Variants in SHROOM2 observed in about 807,000 individuals in gnomAD.
The protein encoded by SHROOM2 is protein Shroom2.
In SHROOM2, 33 loss-of-function variants were observed where a neutral mutation model predicts 75.9. The observed-to-expected ratio is 0.43, with a 90% CI of 0.33 to 0.58. The LOEUF is 0.58. Ranked by LOEUF, SHROOM2 falls within the 20% of genes least tolerant of loss-of-function variation. The probability of loss-of-function intolerance (pLI) is 0.04; values close to 1 mark genes in which losing one functional copy is unlikely to be tolerated. For missense variants in SHROOM2, 1,434 were observed against 1,461.2 expected (o/e 0.98, Z 0.30); for synonymous variants, 655 against 663.6 (o/e 0.99, Z 0.20).
At chrX:9,832,488 G>A (rs1028296528) in intron 1 of SHROOM2, among the ~76,000 whole-genome samples, 6 of 111,868 alleles carry the variant, frequency 5.4e-5, no homozygotes, top group African/African-American at 2.0e-4. Context: ...TTGTGTGCTG[G>A]CTCCCTCGAA....
chrX:9,832,688 A>G (rs2083922829), intron 1 of SHROOM2, among the ~76,000 whole-genome samples: 1 of 101,721 alleles, frequency 9.8e-6, no homozygotes, highest in South Asian at 5.1e-4. Flanking sequence ...CTTGCAGGTC[A>G]ATGTGTCCTG....
intron 8 of SHROOM2, among the ~76,000 whole-genome samples, chrX:9,939,679 C>T (rs1484371801): frequency 3.6e-5 from 4 of 112,487 alleles, no homozygotes; most frequent in East Asian, 2.8e-4. Context: ...CTTGCTCTGT[C>T]GTGCAGGCTT....
chrX:9,808,776 C>T (rs779737353), intron 1 of SHROOM2, among the ~76,000 whole-genome samples: 15 of 110,132 alleles, frequency 1.4e-4, no homozygotes, highest in Non-Finnish European at 2.6e-4. Context: ...GCAAGAGAAT[C>T]GCTTGAACCT....
chrX:9,907,830 G>A (rs749496701), intron 5 of SHROOM2, among the ~76,000 whole-genome samples: 2 of 111,533 alleles, frequency 1.8e-5, no homozygotes, highest in East Asian at 5.6e-4. Context: ...GCTCACAGGC[G>A]GCCTGTGGCT....
intron 2 of SHROOM2, chrX:9,874,517 T>G (rs750323741): frequency 8.9e-6 from 1 of 112,496 alleles, no homozygotes; most frequent in South Asian, 3.7e-4. Context: ...CTGTAAATTT[T>G]AATTAATTGA....
intron 1 of SHROOM2, among the ~76,000 whole-genome samples, chrX:9,870,266 T>C (rs2146793638): frequency 8.9e-6 from 1 of 111,788 alleles, no homozygotes; most frequent in South Asian, 3.7e-4. Flanking sequence ...AAATACAGGC[T>C]CAATTAGTTT....
At chrX:9,878,918 G>T (rs12014889) in intron 2 of SHROOM2, among the ~76,000 whole-genome samples, 14,681 of 111,569 alleles carry the variant, frequency 0.13, 2,213 homozygotes, top group African/African-American at 0.44. Flanking sequence ...AGCATTTGGG[G>T]TCTAATGGCT....
chrX:9,876,017 A>T (rs1033392455), intron 2 of SHROOM2, among the ~76,000 whole-genome samples: 10 of 112,349 alleles, frequency 8.9e-5, no homozygotes, highest in Admixed American at 6.6e-4. Context: ...TTCACTGAGT[A>T]GGTACTTAAA....
chrX:9,867,263 A>G (rs745941143), intron 1 of SHROOM2, among the ~76,000 whole-genome samples: 116 of 111,518 alleles, frequency 1.0e-3, no homozygotes, highest in Non-Finnish European at 1.9e-3. Context: ...ACAGAATATC[A>G]GTTAATAACT....
chrX:9,878,991 T>G (rs2084217101), intron 2 of SHROOM2, among the ~76,000 whole-genome samples: 1 of 111,927 alleles, frequency 8.9e-6, no homozygotes, highest in Non-Finnish European at 1.9e-5. Context: ...TAGGCTATTT[T>G]CCATTATTGT....
chrX:9,806,097 G>T (rs950368111), intron 1 of SHROOM2, among the ~76,000 whole-genome samples: 11 of 110,429 alleles, frequency 1.0e-4, no homozygotes, highest in African/African-American at 3.3e-4. Flanking sequence ...CTTGACCTTG[G>T]ACTCCCAGCC....
chrX:9,834,235 T>A (rs891542399), intron 1 of SHROOM2, among the ~76,000 whole-genome samples: 1 of 111,827 alleles, frequency 8.9e-6, no homozygotes, highest in African/African-American at 3.3e-5. Context: ...CCCAGGACTG[T>A]GGCCCCCAGC....
In SHROOM2 at chrX:9,823,758, TTTTTC is replaced by T. The variant is rs1569142512; in HGVS notation, c.165+37053_165+37057del. On this transcript the variant is annotated intron_variant, in intron 1 of 9. Coordinates refer to ENST00000380913, the MANE Select transcript of SHROOM2 (RefSeq NM_001649.4). ...ATTTTTTTTCTTTTTTCTTTTTTCT[TTTTTC>T]TTTTTTTTTTTTTGAGACAGGGTCT... is the stretch of plus-strand genomic sequence containing the variant. Among the ~76,000 whole-genome samples the T allele has an allele frequency of 1.1e-3, 108 of 94,532 alleles. 1 individual carries two copies. The highest frequency in any genetic ancestry group is 0.01 in the Middle Eastern group (2 of 192). The allele number at this position is 94,532 out of a possible 115,157, so 82.1% of individuals were successfully genotyped here. A position where few individuals can be genotyped will look rare whatever the true frequency, so the allele number is the denominator to read the frequency against.
At chrX:9,809,799 G>C (rs1359783653) in intron 1 of SHROOM2, among the ~76,000 whole-genome samples, 6 of 111,992 alleles carry the variant, frequency 5.4e-5, no homozygotes, top group African/African-American at 1.9e-4. Flanking sequence ...CTCCCGAGTA[G>C]CTGGGACTAC....
intron 5 of SHROOM2, among the ~76,000 whole-genome samples, chrX:9,917,759 G>A (rs1478193510): frequency 1.8e-5 from 2 of 111,755 alleles, no homozygotes; most frequent in African/African-American, 3.3e-5. Context: ...TCCTGACCTT[G>A]TGATCCACCT....
At chrX:9,807,991 C>A (rs983994070) in intron 1 of SHROOM2, among the ~76,000 whole-genome samples, 2 of 111,928 alleles carry the variant, frequency 1.8e-5, no homozygotes, top group African/African-American at 6.5e-5. Context: ...GCACATGCAG[C>A]CCCGAGCTTT....
intron 1 of SHROOM2, among the ~76,000 whole-genome samples, chrX:9,809,671 CAAT>C (rs1406793241): frequency 8.9e-6 from 1 of 112,308 alleles, no homozygotes; most frequent in Non-Finnish European, 1.9e-5. Flanking sequence ...GATATGAAGT[CAAT>C]AAATCTTTTT....
chrX:9,831,754 G>A (rs1362882372), intron 1 of SHROOM2, among the ~76,000 whole-genome samples: 1 of 111,931 alleles, frequency 8.9e-6, no homozygotes, highest in Non-Finnish European at 1.9e-5. Context: ...TCAGTGTCTG[G>A]TGAGGGCTTC....
chrX:9,938,536 G>A lies in SHROOM2; in HGVS notation c.4140-659G>A, dbSNP rs1451801294. 4.5e-5 allele frequency among the ~76,000 whole-genome samples: 5 copies of A among 112,070 alleles called. No homozygotes were observed. The Admixed American group carries it at 4.7e-4, about 11-fold the overall frequency. The stretch of plus-strand genomic sequence containing the variant: ...CCACTGCACTCCAGTGTGGGTGACA[G>A]AGTAAGACCCCATCTCTTGAAATAG... On this transcript the variant is annotated intron_variant, in intron 7 of 9. Coordinates refer to ENST00000380913, the MANE Select transcript of SHROOM2 (RefSeq NM_001649.4).
Sources: allele counts gnomAD v4.1 joint callset (sites outside exome capture counted in the v4.1 genomes callset), GRCh38; gene constraint gnomAD v4.1.1; transcripts MANE v1.5; gene names NCBI Gene and HGNC (gene_info 2026-07-23, HGNC 2026-07-21).